The following ONECUT2 variants were observed in gnomAD, a reference collection of about 807,000 sequenced individuals.
ONECUT2 encodes one cut homeobox 2.
Under a neutral mutation model 27.9 loss-of-function variants are expected in ONECUT2, and 10 were observed. That is an observed-to-expected ratio of 0.36 (90% CI 0.22 to 0.61). ONECUT2 has a LOEUF of 0.61. ONECUT2 is among the 20% of genes least tolerant of loss of function. The pLI is 0.73. For synonymous variants in ONECUT2, 334 were observed against 315.1 expected (o/e 1.06, Z -0.64); for missense variants, 686 against 721.0 (o/e 0.95, Z 0.56).
intron 1 of ONECUT2, among the ~76,000 whole-genome samples, chr18:57,447,319 G>C (rs111549536): frequency 0.013 from 2,021 of 152,254 alleles, 46 homozygotes; most frequent in African/African-American, 0.046. Context: ...CGCTGTTTGA[G>C]CGAATTGGAG....
In ONECUT2 at chr18:57,443,240, A is replaced by G. The variant is rs546001775; in HGVS notation, c.1228+6296A>G. On this transcript the variant is annotated intron_variant, in intron 1 of 1. Transcript: ENST00000491143. ...TCTTGCCAAAGGAAGGGAAATTAGGAGGGAATAAATAGAAATAATTGCCTG... is the reference window on the plus strand; with the variant it reads ...TCTTGCCAAAGGAAGGGAAATTAGGGGGGAATAAATAGAAATAATTGCCTG... Among the ~76,000 whole-genome samples, 10 of 152,292 alleles carry G rather than the reference A, an allele frequency of 6.6e-5. No homozygotes were observed. The East Asian group carries it at 1.9e-3, about 29-fold the overall frequency.
At position 57,476,787 on chromosome 18, in the gene ONECUT2, C is replaced by A; in HGVS notation, c.*64C>A. 1 of 1,527,218 alleles carries A rather than the reference C, an allele frequency of 6.5e-7. No individual in the cohort carries two copies. The highest frequency in any genetic ancestry group is 8.8e-7 in the Non-Finnish European group (1 of 1,140,080). 94.6% of individuals were successfully genotyped at this position (1,527,218 alleles called of 1,614,324 possible). A position where few individuals can be genotyped will look rare whatever the true frequency, so the allele number is the denominator to read the frequency against. On this transcript the variant is annotated 3_prime_UTR_variant, in exon 2 of 2. Coordinates refer to ENST00000491143, the MANE Select transcript of ONECUT2 (RefSeq NM_004852.3). ...GAGGACAACAGATACCAAAAGAAAA[C>A]AAAGGAAAAAGACACCGGATTCCTA...
At chr18:57,471,790 G>A (rs1237331093) in intron 1 of ONECUT2, among the ~76,000 whole-genome samples, 1 of 152,132 alleles carries the variant, frequency 6.6e-6, no homozygotes, top group Non-Finnish European at 1.5e-5. Flanking sequence ...CCTTATTGTA[G>A]GTAAACAAAT....
chr18:57,442,457 A>G (rs1323508849), intron 1 of ONECUT2, among the ~76,000 whole-genome samples: 1 of 152,160 alleles, frequency 6.6e-6, no homozygotes, highest in Non-Finnish European at 1.5e-5. Context: ...TTTCTTCCTC[A>G]TCTTCCCACT....
chr18:57,446,836 G>A (rs1232109694), intron 1 of ONECUT2, among the ~76,000 whole-genome samples: 5 of 152,322 alleles, frequency 3.3e-5, no homozygotes, highest in African/African-American at 1.2e-4. Context: ...ACTGTGCTTG[G>A]GGGAAGAGAA....
chr18:57,473,636 C>G (rs575525034), intron 1 of ONECUT2, among the ~76,000 whole-genome samples: 32 of 152,294 alleles, frequency 2.1e-4, no homozygotes, highest in Admixed American at 1.7e-3. Context: ...TGTGGACCAG[C>G]AGCATCAGCA....
rs966697884 is a variant in ONECUT2, at chr18:57,480,994, C to T, written c.*4271C>T. ...TCAGCCAAATTTCACATTCTTGAGG[C>T]AACAGAAATCAAAACACTCAGAGCC... On this transcript the variant is annotated 3_prime_UTR_variant, in exon 2 of 2. Coordinates refer to ENST00000491143, the MANE Select transcript of ONECUT2 (RefSeq NM_004852.3). 5.9e-5 allele frequency: 9 copies of T among 152,084 alleles called. No individual in the cohort carries two copies. Among genetic ancestry groups the T allele is most frequent in the Admixed American group, 1.3e-4 (2 of 15,264 alleles). 9.4% of individuals were successfully genotyped at this position (152,084 alleles called of 1,614,324 possible). A position where few individuals can be genotyped will look rare whatever the true frequency, so the allele number is the denominator to read the frequency against.
intron 1 of ONECUT2, among the ~76,000 whole-genome samples, chr18:57,451,472 C>T (rs2050229905): frequency 6.6e-6 from 1 of 152,220 alleles, no homozygotes; most frequent in African/African-American, 2.4e-5. Flanking sequence ...AGAGGCCACC[C>T]TGTTCTCTGG....
At position 57,436,010 on chromosome 18, in the gene ONECUT2, A is replaced by C; in HGVS notation, c.294A>C (p.Ala98=). The C allele has an allele frequency of 1.3e-6, 2 of 1,517,082 alleles. No individual in the cohort carries two copies. Among genetic ancestry groups the C allele is most frequent in the Non-Finnish European group, 1.8e-6 (2 of 1,137,722 alleles). The allele number at this position is 1,517,082 out of a possible 1,614,324, so 94.0% of individuals were successfully genotyped here. ...HQELGTAAAA[A]AAASRSAMVT... ...AGCTGGGCACGGCGGCAGCGGCGGC[A>C]GCGGCGGCGTCGCGCTCGGCCATGG... Residue 98 remains alanine (A), a synonymous_variant, in exon 1 of 2, where the codon GCA becomes GCC. Transcript: ENST00000491143. The surrounding 1 kb of genome is among the most constrained non-coding windows in gnomAD (Gnocchi z 5.9).
At position 57,444,166 on chromosome 18, in the gene ONECUT2, G is replaced by A. The variant is rs113998921; in HGVS notation, c.1228+7222G>A. ...AGAGCCAGTTACCACTTAAGAAAGG[G>A]CAGAAGAAGCATTCCTAGAGCATAA... On this transcript the variant is annotated intron_variant, in intron 1 of 1. Transcript: ENST00000491143. Among the ~76,000 whole-genome samples the A allele has an allele frequency of 8.3e-3, 1,268 of 152,316 alleles. 19 individuals are homozygous for A. The highest frequency in any genetic ancestry group is 0.029 in the African/African-American group (1,188 of 41,556).
rs770906620 is a variant in ONECUT2 at position 57,476,478 on chromosome 18, A to G, written c.1270A>G (p.Asn424Asp). Residue 424 changes from asparagine (N) to aspartate (D), a missense_variant, in exon 2 of 2, where the codon AAT becomes GAT. This residue lies in a region of ONECUT2 where 51 missense variants were observed against 41.3 expected (regional missense o/e 1.23). Transcript: ENST00000491143. ...KEQEPNKDRN[N>D]SQKKSRLVFT... ...GCAAGAACCAAACAAAGACAGGAAC[A>G]ATTCCCAGAAGAAGTCCCGCCTGGT... The G allele has an allele frequency of 1.2e-6, 2 of 1,614,254 alleles. No homozygotes were observed. Among genetic ancestry groups the G allele is most frequent in the African/African-American group, 1.3e-5 (1 of 75,076 alleles).
intron 1 of ONECUT2, among the ~76,000 whole-genome samples, chr18:57,468,414 C>A (rs867926450): frequency 3.8e-4 from 58 of 152,326 alleles, no homozygotes; most frequent in African/African-American, 1.4e-3. Flanking sequence ...GGTACTGGCT[C>A]CATGGTCATC....
At chr18:57,442,403 C>T (rs2050180521) in intron 1 of ONECUT2, among the ~76,000 whole-genome samples, 1 of 152,080 alleles carries the variant, frequency 6.6e-6, no homozygotes, top group East Asian at 1.9e-4. Flanking sequence ...GAAAGCAAAT[C>T]GTGCATTGTT....
Position 57,435,812 on chromosome 18 carries a change from G to C in ONECUT2, c.96G>C (p.Leu32Phe), listed in dbSNP as rs779132199. Reference protein sequence around the residue: ...PELTMESLGTLHGPAGGGSGG... With the variant: ...PELTMESLGTFHGPAGGGSGG... The stretch of plus-strand genomic sequence containing the variant: ...TGACAATGGAAAGTCTGGGCACTTT[G>C]CACGGGCCGGCCGGCGGCGGCAGTG... Residue 32 changes from leucine (L) to phenylalanine (F), a missense_variant, in exon 1 of 2, where the codon TTG becomes TTC. This residue lies in a region of ONECUT2 where 511 missense variants were observed against 488.1 expected (regional missense o/e 1.05). Coordinates refer to ENST00000491143, the MANE Select transcript of ONECUT2 (RefSeq NM_004852.3). 8.7e-7 allele frequency: 1 copy of C among 1,148,592 alleles called. No individual in the cohort carries two copies. Among genetic ancestry groups the C allele is most frequent in the South Asian group, 2.3e-5 (1 of 43,122 alleles). 71.2% of individuals were successfully genotyped at this position (1,148,592 alleles called of 1,614,324 possible). A position where few individuals can be genotyped will look rare whatever the true frequency, so the allele number is the denominator to read the frequency against.
chr18:57,461,814 G>T (rs895237489), intron 1 of ONECUT2, among the ~76,000 whole-genome samples: 3 of 152,254 alleles, frequency 2.0e-5, no homozygotes, highest in Admixed American at 6.5e-5. Context: ...GGCTCTGGCA[G>T]CCAGACAAAG....
At chr18:57,445,464 T>G (rs1370646190) in intron 1 of ONECUT2, among the ~76,000 whole-genome samples, 2 of 152,244 alleles carry the variant, frequency 1.3e-5, no homozygotes, top group Non-Finnish European at 2.9e-5. Flanking sequence ...TCTTCCCTGA[T>G]CCTTTTTTCC....
In ONECUT2 at chr18:57,462,623, C is replaced by T. The variant is rs144878776; in HGVS notation, c.1229-13814C>T. Among the ~76,000 whole-genome samples the T allele has an allele frequency of 1.3e-4, 20 of 151,780 alleles. No individual in the cohort carries two copies. The East Asian group carries it at 3.5e-3, about 26-fold the overall frequency. On this transcript the variant is annotated intron_variant, in intron 1 of 1. Coordinates refer to ENST00000491143, the MANE Select transcript of ONECUT2 (RefSeq NM_004852.3). ...GCACAGGAGAAGTTCTTAATTTTAA[C>T]GGGCCCCAATATATAACTATTTCTC...
intron 1 of ONECUT2, among the ~76,000 whole-genome samples, chr18:57,467,514 C>T (rs7245220): frequency 0.26 from 37,607 of 146,444 alleles, 5,136 homozygotes; most frequent in African/African-American, 0.37. Context: ...TACAGGCACA[C>T]GCCACCACAC....
At chr18:57,457,943 C>G (rs1038508700) in intron 1 of ONECUT2, among the ~76,000 whole-genome samples, 1 of 150,620 alleles carries the variant, frequency 6.6e-6, no homozygotes, top group Non-Finnish European at 1.5e-5. Context: ...GGACACAGGG[C>G]GGGGAACATC....
Sources: allele counts gnomAD v4.1 joint callset (sites outside exome capture counted in the v4.1 genomes callset), GRCh38; gene constraint gnomAD v4.1.1; regional missense constraint gnomAD v4.1.1; non-coding constraint Gnocchi (gnomAD v3.1); transcripts MANE v1.5; gene names NCBI Gene and HGNC (gene_info 2026-07-23, HGNC 2026-07-21).